Variants in ST6GALNAC3 observed in about 807,000 individuals in gnomAD.
ST6GALNAC3 encodes the protein ST6 N-acetylgalactosaminide alpha-2,6-sialyltransferase 3, also known as alpha-N-acetylgalactosaminide alpha-2,6-sialyltransferase 3.
In ST6GALNAC3, 25 loss-of-function variants were observed where a neutral mutation model predicts 32.7. The observed-to-expected ratio is 0.76, with a 90% CI of 0.56 to 1.07. ST6GALNAC3 has a LOEUF of 1.07. Among genes scored for constraint, ST6GALNAC3 ranks in the 50% least tolerant of loss-of-function variants. The pLI is 0.00. For synonymous variants in ST6GALNAC3, 129 were observed against 133.1 expected (o/e 0.97, Z 0.21); for missense variants, 355 against 382.4 (o/e 0.93, Z 0.60).
intron 3 of ST6GALNAC3, among the ~76,000 whole-genome samples, chr1:76,431,845 G>C (rs1655778757): frequency 1.3e-5 from 2 of 152,044 alleles, no homozygotes; most frequent in Admixed American, 1.3e-4. Flanking sequence ...TTATCCCCCA[G>C]AGTCCACAGC....
In ST6GALNAC3 at chr1:76,634,080, C is replaced by A; in HGVS notation, c.*5274C>A. 2 of 811,530 alleles carry A rather than the reference C, an allele frequency of 2.5e-6. No homozygotes were observed. The highest frequency in any genetic ancestry group is 3.0e-6 in the Non-Finnish European group (2 of 673,192). The allele number at this position is 811,530 out of a possible 1,614,324, so 50.3% of individuals were successfully genotyped here. On this transcript the variant is annotated 3_prime_UTR_variant, in exon 5 of 5. Coordinates refer to ENST00000328299, the MANE Select transcript of ST6GALNAC3 (RefSeq NM_152996.4). ...AGTTAACTACTTGTTTGTTTCTTTT[C>A]AGAATAGGCACTTTTTTTTGAGTAG...
chr1:76,188,490 C>G (rs528140103), intron 1 of ST6GALNAC3, among the ~76,000 whole-genome samples: 17 of 152,078 alleles, frequency 1.1e-4, no homozygotes, highest in African/African-American at 4.1e-4. Flanking sequence ...GTTGTATATG[C>G]GAAATTGATC....
chr1:76,493,008 A>G (rs537041831), intron 3 of ST6GALNAC3, among the ~76,000 whole-genome samples: 2 of 151,696 alleles, frequency 1.3e-5, no homozygotes, highest in Non-Finnish European at 2.9e-5. Context: ...GAGGAAGGAC[A>G]TGAAACAAAG....
intron 2 of ST6GALNAC3, among the ~76,000 whole-genome samples, chr1:76,407,110 C>T (rs925808952): frequency 5.9e-5 from 9 of 151,874 alleles, no homozygotes; most frequent in African/African-American, 2.2e-4. Context: ...GGCAAAATGT[C>T]GAGATTCATT....
At chr1:76,274,745 G>A (rs931041369) in intron 1 of ST6GALNAC3, among the ~76,000 whole-genome samples, 3 of 152,094 alleles carry the variant, frequency 2.0e-5, no homozygotes, top group African/African-American at 7.2e-5. Context: ...TAGGGTGGAG[G>A]GGGGTGCTTT....
At chr1:76,299,049 A>C (rs1660576661) in intron 1 of ST6GALNAC3, among the ~76,000 whole-genome samples, 1 of 152,128 alleles carries the variant, frequency 6.6e-6, no homozygotes, top group Non-Finnish European at 1.5e-5. Context: ...ATCTAAAAAT[A>C]AAATGCATAA....
chr1:76,324,673 A>G (rs1358214637), intron 2 of ST6GALNAC3, among the ~76,000 whole-genome samples: 1 of 152,190 alleles, frequency 6.6e-6, no homozygotes, highest in Non-Finnish European at 1.5e-5. Context: ...ACTAAATGCA[A>G]TGTGGTATCC....
intron 1 of ST6GALNAC3, among the ~76,000 whole-genome samples, chr1:76,244,847 G>A (rs554249234): frequency 6.6e-6 from 1 of 152,270 alleles, no homozygotes; most frequent in South Asian, 2.1e-4. Flanking sequence ...TGATTTGCCA[G>A]TATTTTACTG....
chr1:76,226,612 A>G (rs1367836554), intron 1 of ST6GALNAC3, among the ~76,000 whole-genome samples: 1 of 152,138 alleles, frequency 6.6e-6, no homozygotes, highest in Admixed American at 6.6e-5. Flanking sequence ...GGTTCTGAGG[A>G]GGCCTCAGGA....
intron 1 of ST6GALNAC3, among the ~76,000 whole-genome samples, chr1:76,135,930 C>G (rs796618781): frequency 6.6e-6 from 1 of 152,158 alleles, no homozygotes; most frequent in South Asian, 2.1e-4. Flanking sequence ...TTGGCTCTGG[C>G]TCAGCTGTGC....
intron 1 of ST6GALNAC3, among the ~76,000 whole-genome samples, chr1:76,104,809 G>C (rs1159340113): frequency 6.6e-6 from 1 of 152,126 alleles, no homozygotes; most frequent in Non-Finnish European, 1.5e-5. Flanking sequence ...CCTTACAATC[G>C]TGGTGGAAGG....
At position 76,189,368 on chromosome 1, in the gene ST6GALNAC3, C is replaced by T. The variant is rs79015904; in HGVS notation, c.18+114484C>T. Among the ~76,000 whole-genome samples, 1,212 of 152,320 alleles carry T rather than the reference C, an allele frequency of 8.0e-3. 14 individuals are homozygous for T. Among genetic ancestry groups the T allele is most frequent in the African/African-American group, 0.027 (1,116 of 41,566 alleles). ...CAAACTCCAGGCACATAGAACCTTT[C>T]TGCCTTTTTTGGATCCACCTCTGTA... On this transcript the variant is annotated intron_variant, in intron 1 of 4. Transcript: ENST00000328299.
intron 1 of ST6GALNAC3, among the ~76,000 whole-genome samples, chr1:76,267,064 C>T (rs773443323): frequency 6.6e-6 from 1 of 152,190 alleles, no homozygotes; most frequent in Non-Finnish European, 1.5e-5. Context: ...GGCCAAGTGC[C>T]CACTTTCTCA....
At chr1:76,519,402 C>A (rs1267461906) in intron 3 of ST6GALNAC3, among the ~76,000 whole-genome samples, 1 of 152,108 alleles carries the variant, frequency 6.6e-6, no homozygotes, top group Non-Finnish European at 1.5e-5. Flanking sequence ...CAATCAGTTC[C>A]TTGTTTCTTT....
chr1:76,455,898 C>T (rs6700771), intron 3 of ST6GALNAC3, among the ~76,000 whole-genome samples: 75,467 of 152,032 alleles, frequency 0.5, 22,182 homozygotes, highest in Non-Finnish European at 0.65. Flanking sequence ...TGTAAAAATA[C>T]TTTATGGCTG....
Position 76,258,000 on chromosome 1 carries a change from C to T in ST6GALNAC3, c.19-55805C>T, listed in dbSNP as rs536925306. Among the ~76,000 whole-genome samples the T allele has an allele frequency of 3.9e-5, 6 of 152,220 alleles. No homozygotes were observed. In the South Asian group the frequency reaches 1.2e-3, roughly 32 times the overall value. ...GACTCAGACACTGGTATCCCAGGCC[C>T]CTTTGTCTCATGTGCCCCTGAAAAC... On this transcript the variant is annotated intron_variant, in intron 1 of 4. Transcript: ENST00000328299.
intron 3 of ST6GALNAC3, among the ~76,000 whole-genome samples, chr1:76,447,611 C>G (rs151172250): frequency 6.6e-6 from 1 of 152,238 alleles, no homozygotes; most frequent in Non-Finnish European, 1.5e-5. Flanking sequence ...TTTCGTGGGC[C>G]AGGCCCAGGA....
chr1:76,551,845 C>T (rs896026583), intron 3 of ST6GALNAC3, among the ~76,000 whole-genome samples: 1 of 152,178 alleles, frequency 6.6e-6, no homozygotes, highest in African/African-American at 2.4e-5. Context: ...CCACCACACA[C>T]ACACTTCACA....
intron 3 of ST6GALNAC3, among the ~76,000 whole-genome samples, chr1:76,569,399 A>G (rs899307896): frequency 5.9e-5 from 9 of 152,180 alleles, no homozygotes; most frequent in Non-Finnish European, 1.3e-4. Flanking sequence ...GGGCTGCCCT[A>G]TTAACCTTGA....
Sources: gnomAD v4.1 joint callset for allele counts (sites outside exome capture counted in the v4.1 genomes callset) on GRCh38, gnomAD v4.1.1 for gene constraint, MANE v1.5 for transcripts, NCBI Gene and HGNC (gene_info 2026-07-23, HGNC 2026-07-21) for gene names.